NEK1: variants seen among roughly 807,000 people sequenced by gnomAD.
The protein encoded by NEK1 is NIMA related kinase 1.
In NEK1, 137 loss-of-function variants were observed where a neutral mutation model predicts 182.1. That is an observed-to-expected ratio of 0.75 (90% CI 0.65 to 0.87). The LOEUF is 0.87. Among genes scored for constraint, NEK1 ranks in the 40% least tolerant of loss-of-function variants. The pLI is 0.00. For synonymous variants in NEK1, 513 were observed against 492.2 expected, an observed-to-expected ratio of 1.04 and a Z score of -0.56; for missense variants, 1,391 against 1,494.4, an observed-to-expected ratio of 0.93 and a Z score of 1.14.
At chr4:169,419,607 G>A (rs1735132023) in intron 31 of NEK1, among the ~76,000 whole-genome samples, 1 of 152,180 alleles carries the variant, frequency 6.6e-6, no homozygotes, top group African/African-American at 2.4e-5. Flanking sequence ...GGACAGGCAG[G>A]ACGGGAATGG....
intron 27 of NEK1, among the ~76,000 whole-genome samples, chr4:169,455,094 A>T (rs571238831): frequency 6.6e-6 from 1 of 152,122 alleles, no homozygotes; most frequent in African/African-American, 2.4e-5. Context: ...ACCAAACACC[A>T]CATGTTCTCA....
At chr4:169,465,801 T>C (rs191615803) in intron 26 of NEK1, among the ~76,000 whole-genome samples, 2 of 152,128 alleles carry the variant, frequency 1.3e-5, no homozygotes, top group Non-Finnish European at 2.9e-5. Flanking sequence ...TGCTGCTTTG[T>C]TCCAACTAAC....
rs555122790 is a variant in NEK1 at position 169,489,771 on chromosome 4, G to A, written c.2008-10237C>T. On this transcript the variant is annotated intron_variant, in intron 23 of 35. Transcript: ENST00000507142. ...CCTCTAGAACATCTCTTCTTCTCCA[G>A]ACCCATGCCAGTGCTGTGCCCTGAC... is the stretch of plus-strand genomic sequence containing the variant. 5.3e-5 allele frequency among the ~76,000 whole-genome samples: 8 copies of A among 152,176 alleles called. No homozygotes were observed. The South Asian group carries it at 1.7e-3, about 32-fold the overall frequency.
chr4:169,474,685 A>AT (rs976210838), intron 26 of NEK1, among the ~76,000 whole-genome samples: 1 of 152,100 alleles, frequency 6.6e-6, no homozygotes, highest in African/African-American at 2.4e-5. Flanking sequence ...CAGTCTCCTA[A>AT]TTTTATCTCT....
chr4:169,436,170 C>T (rs1206503393), intron 28 of NEK1, among the ~76,000 whole-genome samples: 1 of 152,200 alleles, frequency 6.6e-6, no homozygotes, highest in Non-Finnish European at 1.5e-5. Flanking sequence ...TCCCAAAGTG[C>T]CGGGATTACA....
At chr4:169,590,607 G>A (rs1581010510) in intron 6 of NEK1, 119 bp downstream of exon 6, 5 of 601,888 alleles carry the variant, frequency 8.3e-6, no homozygotes, top group Middle Eastern at 2.6e-4. Context: ...GGATAAAAAG[G>A]AAGAGACAAG....
intron 23 of NEK1, 102 bp downstream of exon 23, chr4:169,506,935 G>GAA (rs11335571): frequency 4.7e-5 from 28 of 598,478 alleles, no homozygotes; most frequent in Middle Eastern, 3.1e-4. Flanking sequence ...TGAAAAAACA[G>GAA]AAAAAAAAAA....
At chr4:169,454,441 G>T (rs1742442373) in intron 27 of NEK1, among the ~76,000 whole-genome samples, 1 of 152,202 alleles carries the variant, frequency 6.6e-6, no homozygotes, top group East Asian at 1.9e-4. Context: ...ATCTGACAAA[G>T]GGCTAATATC....
At chr4:169,447,558 A>C (rs532768294) in intron 27 of NEK1, among the ~76,000 whole-genome samples, 2 of 152,262 alleles carry the variant, frequency 1.3e-5, no homozygotes, top group South Asian at 4.1e-4. Flanking sequence ...TCATATCTTG[A>C]GTAGAAAGAC....
intron 6 of NEK1, among the ~76,000 whole-genome samples, chr4:169,590,321 TAGACAGACAGAC>T (rs11270666): frequency 6.0e-4 from 90 of 151,046 alleles, no homozygotes; most frequent in African/African-American, 2.2e-3. Context: ...AAACAATAGA[TAGACAGACAGAC>T]AGACAGACAG....
At chr4:169,603,846 C>A (rs1770896268) in intron 2 of NEK1, among the ~76,000 whole-genome samples, 1 of 151,830 alleles carries the variant, frequency 6.6e-6, no homozygotes, top group Non-Finnish European at 1.5e-5. Flanking sequence ...GCTAGGATTA[C>A]AGGTGTGTGC....
intron 16 of NEK1, among the ~76,000 whole-genome samples, chr4:169,558,140 G>A (rs1762410594): frequency 6.6e-6 from 1 of 152,096 alleles, no homozygotes; most frequent in Non-Finnish European, 1.5e-5. Flanking sequence ...GTTACTCTTT[G>A]AATTTAGCCC....
chr4:169,518,892 C>G (rs1288158575), intron 19 of NEK1, among the ~76,000 whole-genome samples: 1 of 92,414 alleles, frequency 1.1e-5, no homozygotes, highest in Non-Finnish European at 2.0e-5. Flanking sequence ...AATTTCTGTT[C>G]TTTTACATTT....
chr4:169,492,501 G>A (rs1262234145), intron 23 of NEK1, among the ~76,000 whole-genome samples: 2 of 152,132 alleles, frequency 1.3e-5, no homozygotes, highest in Non-Finnish European at 2.9e-5. Context: ...AAACAGCTGG[G>A]GAGCCCCTCA....
At chr4:169,521,205 C>G (rs368808567) in intron 19 of NEK1, among the ~76,000 whole-genome samples, 3 of 45,588 alleles carry the variant, frequency 6.6e-5, no homozygotes, top group African/African-American at 2.5e-4. Context: ...GATATAGTCT[C>G]GTGGTGCGCC....
At chr4:169,548,087 G>C (rs1199623508) in intron 18 of NEK1, among the ~76,000 whole-genome samples, 1 of 152,168 alleles carries the variant, frequency 6.6e-6, no homozygotes, top group Non-Finnish European at 1.5e-5. Flanking sequence ...TTTTGCGCTG[G>C]TTTCTCCCCA....
chr4:169,485,250 A>G (rs1748828883), intron 23 of NEK1, among the ~76,000 whole-genome samples: 1 of 152,208 alleles, frequency 6.6e-6, no homozygotes, highest in South Asian at 2.1e-4. Context: ...AAATTCAGAC[A>G]TGGAATCTAA....
chr4:169,588,819 C>CAT (rs1192715291), intron 7 of NEK1, 84 bp from the exon 8 acceptor site: 2 of 812,442 alleles, frequency 2.5e-6, no homozygotes, highest in Non-Finnish European at 4.2e-6. Flanking sequence ...CAGCAGATCG[C>CAT]ATATATGATG....
In NEK1 at chr4:169,576,960, G is replaced by A. The variant is rs1234385073; in HGVS notation, c.988C>T (p.His330Tyr). 1.9e-6 allele frequency: 3 copies of A among 1,610,888 alleles called. No individual in the cohort carries two copies. Among genetic ancestry groups the A allele is most frequent in the Non-Finnish European group, 1.7e-6 (2 of 1,178,578 alleles). Residue 330 changes from histidine to tyrosine, a missense_variant, in exon 12 of 36, where the codon CAC (histidine) becomes TAC (tyrosine). By Grantham distance (83) the His-to-Tyr change is moderately conservative. Transcript: ENST00000507142. ...TGTTTTTGCAGTGGTTTCTTTTCGT[G>A]TAATTTTTTATCTCCATATTTCTTA... ...AYKKYGDKKL[H>Y]EKKPLQKHKQ... is the part of the protein sequence containing the mutation.
Sources: allele counts gnomAD v4.1 joint callset (sites outside exome capture counted in the v4.1 genomes callset), GRCh38; gene constraint gnomAD v4.1.1; transcripts MANE v1.5; gene names NCBI Gene and HGNC (gene_info 2026-07-23, HGNC 2026-07-21).